Variants in MYRF observed in about 807,000 individuals in gnomAD.
MYRF encodes myelin gene regulatory factor.
In MYRF, 16 loss-of-function variants were observed where a neutral mutation model predicts 126.3. The ratio of observed to expected loss-of-function variants is 0.13; its 90% CI spans 0.09 to 0.19. The LOEUF (loss-of-function observed/expected upper bound fraction) is 0.19. Ranked by LOEUF, MYRF falls within the 10% of genes least tolerant of loss-of-function variation. The pLI is 1.00. For synonymous variants in MYRF, 608 were observed against 635.3 expected (o/e 0.96, Z 0.65); for missense variants, 1,104 against 1,547.0 (o/e 0.71, Z 4.80).
In MYRF at chr11:61,776,198, G is replaced by A; in HGVS notation, c.1388+66G>A. 6.3e-7 allele frequency: 1 copy of A among 1,595,430 alleles called. No individual in the cohort carries two copies. Among genetic ancestry groups the A allele is most frequent in the Non-Finnish European group, 8.6e-7 (1 of 1,163,632 alleles). Reference sequence around the variant, plus strand: ...CCACAACTAAAGCTGGCTTGGGAATGGAGGGGCCAGGGAGGTACCCAGGGT... The same window carrying A: ...CCACAACTAAAGCTGGCTTGGGAATAGAGGGGCCAGGGAGGTACCCAGGGT... On this transcript the variant is annotated intron_variant, in intron 9 of 26. Coordinates refer to ENST00000278836, the MANE Select transcript of MYRF (RefSeq NM_001127392.3). This position sits in a 1 kb window ranked among gnomAD's most constrained non-coding sequence, Gnocchi z 4.3.
intron 14 of MYRF, 32 bp from the exon 15 acceptor site, chr11:61,779,231 G>T (rs1359348719): frequency 1.3e-6 from 2 of 1,525,378 alleles, no homozygotes; most frequent in East Asian, 2.5e-5. Context: ...CTCTGTGTTG[G>T]CCCATGGCCC....
At position 61,766,180 on chromosome 11, in the gene MYRF, G is replaced by A. The variant is rs991107423; in HGVS notation, c.357G>A (p.Gly119=). Residue 119 remains glycine (G), a synonymous_variant, in exon 3 of 27, where the codon GGG becomes GGA. Transcript: ENST00000278836. ...CCAAGCCCTTCCCGGGGGGCACCGG[G>A]CCCCCCATCAAGGCTGAGCCCAAGG... The part of the protein sequence containing the change: ...AAPKPFPGGT[G]PPIKAEPKAP... 1 of 1,611,802 alleles carries A rather than the reference G, an allele frequency of 6.2e-7. No homozygotes were observed. Among genetic ancestry groups the A allele is most frequent in the Non-Finnish European group, 8.5e-7 (1 of 1,179,686 alleles).
At chr11:61,758,747 G>T (rs1429592878) in intron 1 of MYRF, among the ~76,000 whole-genome samples, 1 of 152,176 alleles carries the variant, frequency 6.6e-6, no homozygotes, top group African/African-American at 2.4e-5. Context: ...TGCTGCTCTC[G>T]TCATCTGACT....
At position 61,776,794 on chromosome 11, in the gene MYRF, A is replaced by T; in HGVS notation, c.1507A>T (p.Met503Leu). The change falls in exon 11 of 27, where the codon ATG becomes TTG. Residue 503 changes from methionine (M) to leucine (L), a missense_variant. Physicochemically the swap from Met to Leu is conservative, Grantham distance 15 (BLOSUM62 2). Coordinates refer to ENST00000278836, the MANE Select transcript of MYRF (RefSeq NM_001127392.3). This position sits in a 1 kb window ranked among gnomAD's most constrained non-coding sequence, Gnocchi z 4.3. The stretch of plus-strand genomic sequence containing the variant: ...GACCCCTGTGTGTCCCAGGTACTTC[A>T]TGCTGGTGGTGGCCCTCCAGGCTCA... ...GKPNPDQRYFMLVVALQAHAQ... is the reference protein window; with the variant it reads ...GKPNPDQRYFLLVVALQAHAQ... 2 of 1,600,268 alleles carry T rather than the reference A, an allele frequency of 1.2e-6. No individual in the cohort carries two copies. Among genetic ancestry groups the T allele is most frequent in the Non-Finnish European group, 1.7e-6 (2 of 1,173,762 alleles).
Position 61,757,523 on chromosome 11 carries a change from C to T in MYRF, c.46+4733C>T. The T allele has an allele frequency of 4.4e-6, 2 of 456,518 alleles. No homozygotes were observed. Among genetic ancestry groups the T allele is most frequent in the Non-Finnish European group, 8.8e-6 (2 of 226,898 alleles). 28.3% of individuals were successfully genotyped at this position (456,518 alleles called of 1,614,324 possible). ...TACTGGTCCCCAGGGTAGGTCAGTGCCCCTAAGCTTAGGGGGCTTGTTGAG... is the reference window on the plus strand; with the variant it reads ...TACTGGTCCCCAGGGTAGGTCAGTGTCCCTAAGCTTAGGGGGCTTGTTGAG... On this transcript the variant is annotated intron_variant, in intron 1 of 26. Transcript: ENST00000278836. This position sits in a 1 kb window ranked among gnomAD's most constrained non-coding sequence, Gnocchi z 4.7.
chr11:61,779,984 A>G, intron 17 of MYRF, 54 bp downstream of exon 17: 31 of 1,493,940 alleles, frequency 2.1e-5, no homozygotes, highest in Non-Finnish European at 2.8e-5. Context: ...GGAGCTGCCC[A>G]GTGGAGTCAG....
In MYRF at chr11:61,762,879, G is replaced by A. The variant is rs868147223; in HGVS notation, c.47-2746G>A. Among the ~76,000 whole-genome samples the A allele has an allele frequency of 9.2e-5, 14 of 152,108 alleles. No individual in the cohort carries two copies. The Middle Eastern group carries it at 0.01, about 111-fold the overall frequency. ...CTCCCGCCTCCTTCCTCCATCCTCCGTCCGCCCGGACCCTGGCACGGGAGG... is the reference window on the plus strand; with the variant it reads ...CTCCCGCCTCCTTCCTCCATCCTCCATCCGCCCGGACCCTGGCACGGGAGG... On this transcript the variant is annotated intron_variant, in intron 1 of 26. Coordinates refer to ENST00000278836, the MANE Select transcript of MYRF (RefSeq NM_001127392.3).
Position 61,755,525 on chromosome 11 carries a change from A to G in MYRF, c.46+2735A>G, listed in dbSNP as rs1378849742. 2.0e-6 allele frequency: 3 copies of G among 1,508,906 alleles called. No individual in the cohort carries two copies. In the African/African-American group the frequency reaches 4.1e-5, roughly 21 times the overall value. 93.5% of individuals were successfully genotyped at this position (1,508,906 alleles called of 1,614,324 possible). A position where few individuals can be genotyped will look rare whatever the true frequency, so the allele number is the denominator to read the frequency against. ...CAGGGCAGTGTCTGAGAATCCTGCC[A>G]GGACCTCAGAGTTCTGGTGCAGGCT... On this transcript the variant is annotated intron_variant, in intron 1 of 26. Coordinates refer to ENST00000278836, the MANE Select transcript of MYRF (RefSeq NM_001127392.3).
intron 1 of MYRF, among the ~76,000 whole-genome samples, chr11:61,758,426 C>T (rs1288620618): frequency 6.6e-6 from 1 of 152,150 alleles, no homozygotes; most frequent in Non-Finnish European, 1.5e-5. Flanking sequence ...ACACTGAGTT[C>T]ACTCAGTGGG....
chr11:61,779,757 C>T (rs1188092969), intron 16 of MYRF, 85 bp from the exon 17 acceptor site: 44 of 1,364,244 alleles, frequency 3.2e-5, no homozygotes, highest in Middle Eastern at 1.8e-4. Context: ...CCCCCTTAAC[C>T]GCTCCTCCGA....
Position 61,787,080 on chromosome 11 carries a change from G to T in MYRF, c.*937G>T, listed in dbSNP as rs2066711468. The T allele has an allele frequency of 6.5e-6, 1 of 152,798 alleles. No homozygotes were observed. The highest frequency in any genetic ancestry group is 2.1e-4 in the South Asian group (1 of 4,834). 9.5% of individuals were successfully genotyped at this position (152,798 alleles called of 1,614,324 possible). On this transcript the variant is annotated 3_prime_UTR_variant, in exon 27 of 27. Transcript: ENST00000278836. ...AGGAGCAGGAATCCCTCAAGCAGCA[G>T]CCTGGTCTTGGCTGGTGGGCAGATG...
chr11:61,765,744 C>T (rs2066037428), intron 2 of MYRF, 32 bp downstream of exon 2: 2 of 1,582,250 alleles, frequency 1.3e-6, no homozygotes, highest in Non-Finnish European at 1.7e-6. Context: ...CCTGCACCCG[C>T]CCAGCCCCAG....
chr11:61,783,501 C>T lies in MYRF; in HGVS notation c.3020C>T (p.Ser1007Phe). ...EPTWAQGQSA[S>F]LLAEPVPSLT... ...CACCTTACTCCTGCCCCAACAGCCT[C>T]TCTCCTTGCAGAGCCAGTGCCCTCC... Residue 1007 changes from serine (S) to phenylalanine (F), a missense_variant, in exon 23 of 27, where the codon TCT becomes TTT. Physicochemically the swap from Ser to Phe is radical, Grantham distance 155. Around this residue, in one of 10 missense-constraint regions of MYRF, gnomAD observed 323 missense variants for 383.1 expected, o/e 0.84. Transcript: ENST00000278836. The surrounding 1 kb of genome is among the most constrained non-coding windows in gnomAD (Gnocchi z 4.6). 1 of 1,613,480 alleles carries T rather than the reference C, an allele frequency of 6.2e-7. No homozygotes were observed. The highest frequency in any genetic ancestry group is 1.1e-5 in the South Asian group (1 of 91,070).
At position 61,765,607 on chromosome 11, in the gene MYRF, A is replaced by G. The variant is rs2066033435; in HGVS notation, c.47-18A>G. 1 of 1,606,086 alleles carries G rather than the reference A, an allele frequency of 6.2e-7. No individual in the cohort carries two copies. Among genetic ancestry groups the G allele is most frequent in the Non-Finnish European group, 8.5e-7 (1 of 1,175,948 alleles). ...GGGAGCTGGGCCTCTTCCCTAGCCCATCTCTCCTGCCCTGCAGGCCACGAC... is the reference window on the plus strand; with the variant it reads ...GGGAGCTGGGCCTCTTCCCTAGCCCGTCTCTCCTGCCCTGCAGGCCACGAC... On this transcript the variant is annotated intron_variant, in intron 1 of 26. Transcript: ENST00000278836.
In MYRF at chr11:61,787,879, C is replaced by CTT. The variant is rs2066730016; in HGVS notation, c.*1737_*1738dup. On this transcript the variant is annotated 3_prime_UTR_variant, in exon 27 of 27. Transcript: ENST00000278836. ...GTTCTTGGACTGCGGGCCCTCAGTC[C>CTT]TTAACTGGAAAGTGACCGTCCACTG... 1 of 152,692 alleles carries CTT rather than the reference C, an allele frequency of 6.5e-6. No individual in the cohort carries two copies. The highest frequency in any genetic ancestry group is 1.5e-5 in the Non-Finnish European group (1 of 68,090). 9.5% of individuals were successfully genotyped at this position (152,692 alleles called of 1,614,324 possible). A position where few individuals can be genotyped will look rare whatever the true frequency, so the allele number is the denominator to read the frequency against.
chr11:61,769,462 C>T (rs993105514), intron 4 of MYRF, 141 bp downstream of exon 4: 7 of 677,552 alleles, frequency 1.0e-5, no homozygotes, highest in South Asian at 3.5e-5. Flanking sequence ...TACTCCCTGG[C>T]GCTTGGCTAT....
intron 3 of MYRF, chr11:61,767,651 C>T: frequency 2.9e-6 from 1 of 342,510 alleles, no homozygotes; most frequent in Non-Finnish European, 5.7e-6. Flanking sequence ...TGATGAAACC[C>T]CATCTCTACA....
rs201384645 is a variant in MYRF at position 61,780,223 on chromosome 11, G to A, written c.2338G>A (p.Val780Met). ...GGTCACCCTTTTCTGTGGCTCCAGC[G>A]TGGTGTCCATGTCCACACTGTACGT... is the stretch of plus-strand genomic sequence containing the variant. ...IALVVVMAFSVVSMSTLYVLS... is the reference protein window; with the variant it reads ...IALVVVMAFSMVSMSTLYVLS... Residue 780 changes from valine (V) to methionine (M), a missense_variant and splice_region_variant, in exon 18 of 27, where the codon GTG (valine) becomes ATG (methionine). Val to Met is a conservative substitution (Grantham distance 21). This residue lies in a region of MYRF where 323 missense variants were observed against 383.1 expected (regional missense o/e 0.84). Coordinates refer to ENST00000278836, the MANE Select transcript of MYRF (RefSeq NM_001127392.3). 364 of 1,613,906 alleles carry A rather than the reference G, an allele frequency of 2.3e-4. 4 individuals are homozygous for A. Among genetic ancestry groups the A allele is most frequent in the Middle Eastern group, 3.3e-4 (2 of 6,082 alleles).
intron 1 of MYRF, chr11:61,755,269 C>A: frequency 1.8e-6 from 2 of 1,123,322 alleles, no homozygotes; most frequent in Non-Finnish European, 2.5e-6. Context: ...GGGGCTAAGG[C>A]GCTTTGGACC....
Sources: allele counts gnomAD v4.1 joint callset (sites outside exome capture counted in the v4.1 genomes callset), GRCh38; gene constraint gnomAD v4.1.1; regional missense constraint gnomAD v4.1.1; non-coding constraint Gnocchi (gnomAD v3.1); transcripts MANE v1.5; gene names NCBI Gene and HGNC (gene_info 2026-07-23, HGNC 2026-07-21).